The following FRMPD1 variants were observed in gnomAD, a reference collection of about 807,000 sequenced individuals.
The protein encoded by FRMPD1 is FERM and PDZ domain containing 1.
In FRMPD1, 76 loss-of-function variants were observed where a neutral mutation model predicts 117.8. That is an observed-to-expected ratio of 0.65 (90% CI 0.54 to 0.78). The LOEUF (loss-of-function observed/expected upper bound fraction) is 0.78, where lower values mean the gene tolerates loss of function less well. Among genes scored for constraint, FRMPD1 ranks in the 30% least tolerant of loss-of-function variants. The pLI is 0.00. For missense variants in FRMPD1, 1,786 were observed against 1,964.5 expected, an observed-to-expected ratio of 0.91 and a Z score of 1.72; for synonymous variants, 783 against 770.4, an observed-to-expected ratio of 1.02 and a Z score of -0.27.
chr9:37,708,318 G>A, intron 3 of FRMPD1, 81 bp from the exon 4 acceptor site: 1 of 806,186 alleles, frequency 1.2e-6, no homozygotes, highest in South Asian at 1.5e-5. Flanking sequence ...GGATCAGGGT[G>A]CCATTTAACT....
the FRMPD1 span, among the ~76,000 whole-genome samples, chr9:37,635,326 G>A: frequency 2.6e-5 from 4 of 152,214 alleles, no homozygotes; most frequent in East Asian, 5.8e-4. Context: ...ATTTTCTAGC[G>A]GAAACAGAGG....
At chr9:37,737,562 G>A (rs965549100) in intron 14 of FRMPD1, among the ~76,000 whole-genome samples, 1 of 152,088 alleles carries the variant, frequency 6.6e-6, no homozygotes, top group African/African-American at 2.4e-5. Flanking sequence ...TGTGGCTCAC[G>A]CCTGTAATCC....
intron 2 of FRMPD1, among the ~76,000 whole-genome samples, chr9:37,705,891 C>T (rs62533904): frequency 0.016 from 2,468 of 151,622 alleles, 32 homozygotes; most frequent in Admixed American, 0.026. Context: ...GCATGAGAAC[C>T]GCTTGAACCA....
intron 2 of FRMPD1, among the ~76,000 whole-genome samples, chr9:37,705,981 A>AAATG (rs1822690099): frequency 6.6e-6 from 1 of 151,058 alleles, no homozygotes; most frequent in South Asian, 2.1e-4. Context: ...ATAAATAAAT[A>AAATG]AATAAATAAA....
intron 5 of FRMPD1, among the ~76,000 whole-genome samples, chr9:37,715,468 A>G (rs1297864040): frequency 6.6e-6 from 1 of 152,224 alleles, no homozygotes; most frequent in Non-Finnish European, 1.5e-5. Flanking sequence ...GCCAAAAGAT[A>G]CAGGAATGTT....
chr9:37,654,267 G>T (rs892067817), intron 1 of FRMPD1, among the ~76,000 whole-genome samples: 1 of 152,236 alleles, frequency 6.6e-6, no homozygotes, highest in African/African-American at 2.4e-5. Context: ...GTGGGAGAAA[G>T]TAGTAGGAGT....
intron 2 of FRMPD1, among the ~76,000 whole-genome samples, 189 bp from the exon 3 acceptor site, chr9:37,707,227 C>A (rs1041451401): frequency 1.3e-5 from 2 of 152,162 alleles, no homozygotes; most frequent in Non-Finnish European, 2.9e-5. Flanking sequence ...GAATGCCTGG[C>A]AATACGACTT....
At chr9:37,667,622 T>C (rs1821205731) in intron 1 of FRMPD1, among the ~76,000 whole-genome samples, 1 of 149,940 alleles carries the variant, frequency 6.7e-6, no homozygotes, top group South Asian at 2.1e-4. Context: ...AGGCAGAGGT[T>C]GCAATGAGAC....
intron 1 of FRMPD1, among the ~76,000 whole-genome samples, chr9:37,654,754 T>G (rs1386928118): frequency 6.6e-6 from 1 of 152,232 alleles, no homozygotes; most frequent in Non-Finnish European, 1.5e-5. Context: ...CTAGACAGTC[T>G]GTGTGCACAG....
chr9:37,746,017 A>G lies in FRMPD1; in HGVS notation c.3985A>G (p.Ile1329Val). ...AGMNEMVAPR[I>V]GMDQCSCQFS... The stretch of plus-strand genomic sequence containing the variant: ...CATGAATGAGATGGTGGCTCCCAGG[A>G]TAGGGATGGACCAGTGCAGCTGTCA... The change falls in exon 16 of 16, where the codon ATA becomes GTA. Residue 1329 changes from isoleucine to valine, a missense_variant. Ile to Val is a conservative substitution (Grantham distance 29). Coordinates refer to ENST00000377765, the MANE Select transcript of FRMPD1 (RefSeq NM_014907.3). 2 of 1,614,226 alleles carry G rather than the reference A, an allele frequency of 1.2e-6. No individual in the cohort carries two copies. The highest frequency in any genetic ancestry group is 8.5e-7 in the Non-Finnish European group (1 of 1,180,040).
At chr9:37,670,479 G>T (rs1367853960) in intron 1 of FRMPD1, among the ~76,000 whole-genome samples, 3 of 152,154 alleles carry the variant, frequency 2.0e-5, no homozygotes, top group Non-Finnish European at 2.9e-5. Flanking sequence ...GAGAGTTTGG[G>T]CGTGGGTAAA....
chr9:37,604,885 G>A, the FRMPD1 span, among the ~76,000 whole-genome samples: 3 of 152,208 alleles, frequency 2.0e-5, no homozygotes, highest in African/African-American at 7.2e-5. Flanking sequence ...GCATTATTGA[G>A]CATTTCTGCT....
At chr9:37,684,477 G>C (rs529490222) in intron 1 of FRMPD1, among the ~76,000 whole-genome samples, 24 of 152,300 alleles carry the variant, frequency 1.6e-4, no homozygotes, top group African/African-American at 5.5e-4. Flanking sequence ...AAAGATGAAG[G>C]GGAACCACTG....
intron 5 of FRMPD1, among the ~76,000 whole-genome samples, chr9:37,718,605 C>T (rs1217384386): frequency 6.6e-6 from 1 of 152,324 alleles, no homozygotes. Context: ...TCAGGGAACC[C>T]CGTCTAACTC....
At chr9:37,724,657 G>A (rs1823546211) in intron 7 of FRMPD1, among the ~76,000 whole-genome samples, 2 of 152,166 alleles carry the variant, frequency 1.3e-5, no homozygotes, top group Non-Finnish European at 2.9e-5. Flanking sequence ...TACCTGCTAC[G>A]CCAAACACTA....
chr9:37,692,669 C>G lies in FRMPD1; in HGVS notation c.28C>G (p.Gln10Glu). 6.2e-7 allele frequency: 1 copy of G among 1,613,518 alleles called. No individual in the cohort carries two copies. Among genetic ancestry groups the G allele is most frequent in the African/African-American group, 1.3e-5 (1 of 75,028 alleles). ...GGAAGAGCTGGAGACCAGTTTATTC[C>G]AGACACGGAAAGCACATAGAATAGA... MEELETSLF[Q>E]TRKAHRIEQM... Residue 10 changes from glutamine (Q) to glutamate (E), a missense_variant, in exon 2 of 16, where the codon CAG becomes GAG. Physicochemically the swap from Gln to Glu is conservative, Grantham distance 29. Transcript: ENST00000377765.
At chr9:37,639,402 T>C in the FRMPD1 span, among the ~76,000 whole-genome samples, 4 of 152,276 alleles carry the variant, frequency 2.6e-5, no homozygotes, top group South Asian at 8.3e-4. Flanking sequence ...AAATATCCCA[T>C]TGTAACCCTG....
the FRMPD1 span, among the ~76,000 whole-genome samples, chr9:37,621,758 G>C: frequency 6.6e-6 from 1 of 152,196 alleles, no homozygotes; most frequent in Admixed American, 6.5e-5. Context: ...GCCAGTGTGG[G>C]AAGCACCTTA....
intron 5 of FRMPD1, among the ~76,000 whole-genome samples, chr9:37,716,024 G>C (rs377245174): frequency 6.6e-6 from 1 of 152,134 alleles, no homozygotes; most frequent in Non-Finnish European, 1.5e-5. Flanking sequence ...GAGAGCTTTC[G>C]GGACAAGAGT....
Sources: allele counts gnomAD v4.1 joint callset (sites outside exome capture counted in the v4.1 genomes callset), GRCh38; gene constraint gnomAD v4.1.1; transcripts MANE v1.5; gene names NCBI Gene and HGNC (gene_info 2026-07-23, HGNC 2026-07-21).